The following RAB38 variants were observed in gnomAD, a reference collection of about 807,000 sequenced individuals.
RAB38 encodes the protein ras-related protein Rab-38.
RAB38 carries 15 observed loss-of-function variants against 18.4 expected under a neutral mutation model. The observed-to-expected ratio is 0.82, with a 90% confidence interval of 0.55 to 1.26. RAB38 has a LOEUF of 1.26. RAB38 is among the 50% of genes most tolerant of loss of function. The pLI, the probability that RAB38 is intolerant of heterozygous loss-of-function variation, is 0.00. For synonymous variants in RAB38, 101 were observed against 104.4 expected, an observed-to-expected ratio of 0.97 and a Z score of 0.20; for missense variants, 294 against 267.4, an observed-to-expected ratio of 1.10 and a Z score of -0.69.
At chr11:88,019,144 A>C in the RAB38 span, among the ~76,000 whole-genome samples, 1 of 152,144 alleles carries the variant, frequency 6.6e-6, no homozygotes, top group East Asian at 1.9e-4. Flanking sequence ...GATTTCCATA[A>C]ACTGGAAATA....
chr11:87,828,420 G>T, the RAB38 span, among the ~76,000 whole-genome samples: 20 of 152,002 alleles, frequency 1.3e-4, no homozygotes, highest in East Asian at 3.9e-3. Flanking sequence ...ACTACATTTG[G>T]CAGTTAAGAA....
chr11:87,876,869 C>T, the RAB38 span, among the ~76,000 whole-genome samples: 1 of 151,506 alleles, frequency 6.6e-6, no homozygotes, highest in Non-Finnish European at 1.5e-5. Flanking sequence ...CTTTGCCATT[C>T]AGCTGAAGTG....
At chr11:87,912,093 T>G in the RAB38 span, among the ~76,000 whole-genome samples, 1 of 152,020 alleles carries the variant, frequency 6.6e-6, no homozygotes, top group African/African-American at 2.4e-5. Flanking sequence ...ATATATCATT[T>G]GATTCAATTT....
At chr11:88,038,648 A>G in the RAB38 span, among the ~76,000 whole-genome samples, 1 of 152,186 alleles carries the variant, frequency 6.6e-6, no homozygotes, top group Non-Finnish European at 1.5e-5. Context: ...CTGTAAACTC[A>G]TTTGGTAATC....
At chr11:87,937,184 C>A in the RAB38 span, among the ~76,000 whole-genome samples, 332 of 151,202 alleles carry the variant, frequency 2.2e-3, no homozygotes, top group Middle Eastern at 0.017. Context: ...AGGTCAAATG[C>A]CTTTTCTGCT....
At chr11:87,848,153 A>G in the RAB38 span, among the ~76,000 whole-genome samples, 2 of 152,132 alleles carry the variant, frequency 1.3e-5, no homozygotes, top group African/African-American at 4.8e-5. Context: ...CCTGATTTGC[A>G]GCTTTCAGAA....
the RAB38 span, among the ~76,000 whole-genome samples, chr11:87,976,608 T>TATTTTATATAATATATATA: frequency 1.9e-5 from 2 of 103,138 alleles, no homozygotes; most frequent in African/African-American, 8.0e-5. Flanking sequence ...TATAAATACA[T>TATTTTATATAATATATATA]ATTTTACATG....
chr11:87,953,855 GTTTT>G, the RAB38 span, among the ~76,000 whole-genome samples: 2 of 136,286 alleles, frequency 1.5e-5, no homozygotes, highest in African/African-American at 5.3e-5. Flanking sequence ...GTGTTTTAGT[GTTTT>G]TTTTTTTTTC....
chr11:87,950,904 C>G, the RAB38 span, among the ~76,000 whole-genome samples: 1 of 152,108 alleles, frequency 6.6e-6, no homozygotes, highest in Non-Finnish European at 1.5e-5. Flanking sequence ...GTGGCATTCT[C>G]TGTATTTCCT....
intron 1 of RAB38, chr11:88,173,567 G>C (rs190581501): frequency 1.0e-6 from 1 of 985,430 alleles, no homozygotes; most frequent in East Asian, 1.1e-4. Flanking sequence ...CTGTCATGCT[G>C]TTACCTGGAT....
chr11:87,949,000 C>T, the RAB38 span, among the ~76,000 whole-genome samples: 12 of 152,224 alleles, frequency 7.9e-5, no homozygotes, highest in Non-Finnish European at 1.6e-4. Context: ...TAGAATTCGG[C>T]TGTGAATCCA....
chr11:88,093,675 A>G, the RAB38 span, among the ~76,000 whole-genome samples: 6 of 151,962 alleles, frequency 3.9e-5, no homozygotes, highest in East Asian at 1.2e-3. Flanking sequence ...TCTAGATCTG[A>G]TGTTCACTCT....
At chr11:87,932,587 A>G in the RAB38 span, among the ~76,000 whole-genome samples, 12 of 152,222 alleles carry the variant, frequency 7.9e-5, no homozygotes, top group East Asian at 1.9e-4. Context: ...AATAAGATAC[A>G]TCTCACTTAG....
chr11:87,952,868 T>A, the RAB38 span, among the ~76,000 whole-genome samples: 1 of 151,296 alleles, frequency 6.6e-6, no homozygotes, highest in African/African-American at 2.5e-5. Context: ...AAAGGAAAAC[T>A]ATCAATCAAT....
chr11:88,069,847 T>G, the RAB38 span, among the ~76,000 whole-genome samples: 1 of 151,896 alleles, frequency 6.6e-6, no homozygotes, highest in East Asian at 1.9e-4. Context: ...AGTGGGTTAC[T>G]TGGAGAACTT....
At chr11:87,937,028 T>C in the RAB38 span, among the ~76,000 whole-genome samples, 2 of 152,012 alleles carry the variant, frequency 1.3e-5, no homozygotes, top group Non-Finnish European at 2.9e-5. Context: ...GTGGTTAGAA[T>C]GGATATCCTT....
intron 2 of RAB38, among the ~76,000 whole-genome samples, chr11:88,141,140 T>A (rs573187430): frequency 3.9e-5 from 6 of 152,166 alleles, no homozygotes; most frequent in African/African-American, 1.4e-4. Context: ...TCAGATAGAA[T>A]CAAGGCAGAC....
At chr11:88,016,595 T>C in the RAB38 span, among the ~76,000 whole-genome samples, 10 of 152,144 alleles carry the variant, frequency 6.6e-5, no homozygotes, top group South Asian at 1.5e-3. Context: ...ACCTCCACCT[T>C]CCTGAGATGC....
the RAB38 span, among the ~76,000 whole-genome samples, chr11:87,881,818 A>T: frequency 1.3e-5 from 2 of 151,848 alleles, no homozygotes; most frequent in African/African-American, 4.8e-5. Flanking sequence ...ATCCTGCTAA[A>T]AGCACAACAG....
Sources: allele counts gnomAD v4.1 joint callset (sites outside exome capture counted in the v4.1 genomes callset), GRCh38; gene constraint gnomAD v4.1.1; transcripts MANE v1.5; gene names NCBI Gene and HGNC (gene_info 2026-07-23, HGNC 2026-07-21).